The following DPYD variants were observed in gnomAD, a reference collection of about 807,000 sequenced individuals.
DPYD encodes the protein dihydropyrimidine dehydrogenase, also known as dihydropyrimidine dehydrogenase [NADP(+)].
A neutral mutation model predicts 116.2 loss-of-function variants in DPYD; 109 were observed. The observed-to-expected ratio is 0.94, with a 90% confidence interval of 0.80 to 1.10. DPYD has a LOEUF of 1.10. DPYD is among the 50% of genes least tolerant of loss of function. DPYD has a pLI of 0.00. For missense variants in DPYD, 1,302 were observed against 1,254.5 expected, an observed-to-expected ratio of 1.04 and a Z score of -0.57; for synonymous variants, 440 against 432.0, an observed-to-expected ratio of 1.02 and a Z score of -0.23.
intron 7 of DPYD, among the ~76,000 whole-genome samples, chr1:97,689,801 T>C (rs530556612): frequency 6.6e-6 from 1 of 152,116 alleles, no homozygotes. Flanking sequence ...GCTGCAAGAG[T>C]ATCTCATCAA....
At chr1:97,217,180 C>T in intron 19 of DPYD, among the ~76,000 whole-genome samples, 1 of 152,174 alleles carries the variant, frequency 6.6e-6, no homozygotes, top group Admixed American at 6.5e-5. Context: ...TGCACTCCAG[C>T]CTCGGCGACA....
intron 8 of DPYD, among the ~76,000 whole-genome samples, chr1:97,631,101 C>T (rs530209597): frequency 9.2e-5 from 14 of 152,206 alleles, no homozygotes; most frequent in South Asian, 4.1e-4. Flanking sequence ...GCTGGAACCA[C>T]GCCAAATGTG....
intron 2 of DPYD, among the ~76,000 whole-genome samples, chr1:97,866,500 T>C (rs191205019): frequency 1.2e-4 from 19 of 152,086 alleles, no homozygotes; most frequent in Non-Finnish European, 2.5e-4. Context: ...TTTGTTTCAT[T>C]CATTTAAGTA....
chr1:97,119,333 G>T (rs533813204), intron 20 of DPYD, among the ~76,000 whole-genome samples: 30 of 152,090 alleles, frequency 2.0e-4, no homozygotes, highest in Non-Finnish European at 3.5e-4. Context: ...CGAGTGTCCC[G>T]CTTTGCAGCC....
At position 97,573,773 on chromosome 1, in the gene DPYD, CAG is replaced by C; in HGVS notation, c.1324_1325del (p.Leu442GlufsTer2). ...DVVISAFGSV[L>X]SDPKVKEALS... is the part of the protein sequence containing the mutation. ...CCAGCACTGTACCTTTAGGATCACT[CAG>C]AACTGAACCAAAGGCACTGATGACC... On this transcript the variant is annotated frameshift_variant, in exon 11 of 23. Transcript: ENST00000370192. LOFTEE classifies it high-confidence loss of function. 1 of 1,613,540 alleles carries C rather than the reference CAG, an allele frequency of 6.2e-7. No homozygotes were observed. Among genetic ancestry groups the C allele is most frequent in the South Asian group, 1.1e-5 (1 of 91,076 alleles).
intron 20 of DPYD, among the ~76,000 whole-genome samples, chr1:97,152,934 A>T (rs530673601): frequency 6.6e-6 from 1 of 152,230 alleles, no homozygotes; most frequent in South Asian, 2.1e-4. Flanking sequence ...ATCCCTTCTC[A>T]TTGCCCCTCT....
intron 3 of DPYD, among the ~76,000 whole-genome samples, chr1:97,754,521 G>A (rs757090464): frequency 6.6e-6 from 1 of 152,186 alleles, no homozygotes; most frequent in Non-Finnish European, 1.5e-5. Flanking sequence ...AAAAATTTGA[G>A]TCAAGGTAAT....
intron 3 of DPYD, among the ~76,000 whole-genome samples, chr1:97,785,970 G>A (rs1485425223): frequency 6.6e-6 from 1 of 151,290 alleles, no homozygotes; most frequent in African/African-American, 2.4e-5. Flanking sequence ...TGGGATTACA[G>A]GCTTGAGCCA....
chr1:97,921,059 C>A, upstream of DPYD: 1 of 1,123,352 alleles, frequency 8.9e-7, no homozygotes, highest in South Asian at 1.4e-5. Context: ...GGGGGCGGAG[C>A]GGGCGCGGGG....
chr1:97,376,092 T>C (rs1446937358), intron 15 of DPYD, among the ~76,000 whole-genome samples: 2 of 152,326 alleles, frequency 1.3e-5, no homozygotes, highest in African/African-American at 4.8e-5. Flanking sequence ...CTCTAAGAGG[T>C]AGGATATATC....
chr1:97,560,828 G>A (rs1183211308), intron 11 of DPYD, among the ~76,000 whole-genome samples: 1 of 152,144 alleles, frequency 6.6e-6, no homozygotes, highest in Non-Finnish European at 1.5e-5. Flanking sequence ...GTCAGAGAGC[G>A]CCTCTTTGAT....
chr1:97,354,896 G>A (rs1670345951), intron 16 of DPYD, among the ~76,000 whole-genome samples: 1 of 152,126 alleles, frequency 6.6e-6, no homozygotes, highest in South Asian at 2.1e-4. Flanking sequence ...AATCAATGGG[G>A]AACAAGTCAC....
chr1:97,834,998 C>T (rs1669699251), intron 2 of DPYD, among the ~76,000 whole-genome samples: 2 of 151,624 alleles, frequency 1.3e-5, no homozygotes, highest in African/African-American at 4.8e-5. Context: ...ATTGCTTTTC[C>T]CTTTGGTGTG....
chr1:97,347,417 A>G (rs963534535), intron 16 of DPYD, among the ~76,000 whole-genome samples: 4 of 151,992 alleles, frequency 2.6e-5, no homozygotes, highest in Non-Finnish European at 5.9e-5. Flanking sequence ...TAATATGATG[A>G]CTTACATGAC....
chr1:97,151,476 C>A (rs1570557890), intron 20 of DPYD, among the ~76,000 whole-genome samples: 1 of 152,020 alleles, frequency 6.6e-6, no homozygotes, highest in Non-Finnish European at 1.5e-5. Flanking sequence ...GAGTTCGAGA[C>A]CAACCTGGTC....
chr1:97,603,434 A>C (rs371179420), intron 8 of DPYD, among the ~76,000 whole-genome samples: 9 of 152,166 alleles, frequency 5.9e-5, no homozygotes, highest in African/African-American at 2.2e-4. Context: ...GACATTAAAA[A>C]AGTAATTAAA....
At chr1:97,515,997 T>G (rs917648987) in intron 12 of DPYD, 56 bp from the exon 13 acceptor site, 1 of 1,510,794 alleles carries the variant, frequency 6.6e-7, no homozygotes, top group Admixed American at 1.7e-5. Flanking sequence ...GTCCATATAA[T>G]ATTTTACCAA....
chr1:97,477,703 C>T (rs1678060167), intron 13 of DPYD, among the ~76,000 whole-genome samples: 2 of 150,056 alleles, frequency 1.3e-5, no homozygotes. Context: ...TCACTGCAAG[C>T]TCTGCTTCCC....
chr1:97,548,082 A>G (rs7530858), intron 12 of DPYD, among the ~76,000 whole-genome samples: 17,583 of 152,200 alleles, frequency 0.12, 1,159 homozygotes, highest in African/African-American at 0.17. Flanking sequence ...GATAAAGTGA[A>G]TTTTGTTAGC....
Sources: allele counts gnomAD v4.1 joint callset (sites outside exome capture counted in the v4.1 genomes callset), GRCh38; gene constraint gnomAD v4.1.1; transcripts MANE v1.5; gene names NCBI Gene and HGNC (gene_info 2026-07-23, HGNC 2026-07-21).